UTP20: variants seen among roughly 807,000 people sequenced by gnomAD.
The protein encoded by UTP20 is UTP20 small subunit processome component.
Under a neutral mutation model 329.5 loss-of-function variants are expected in UTP20, and 164 were observed. The ratio of observed to expected loss-of-function variants is 0.50; its 90% CI spans 0.44 to 0.57. The LOEUF is 0.57. UTP20 is among the 20% of genes least tolerant of loss of function. The probability of loss-of-function intolerance (pLI) is 0.00; values close to 1 mark genes in which losing one functional copy is unlikely to be tolerated. For missense variants in UTP20, 3,055 were observed against 3,284.2 expected (o/e 0.93, Z 1.71); for synonymous variants, 1,151 against 1,159.3 (o/e 0.99, Z 0.14).
chr12:101,316,300 G>A (rs1026462295), intron 21 of UTP20, among the ~76,000 whole-genome samples: 1 of 152,208 alleles, frequency 6.6e-6, no homozygotes, highest in Non-Finnish European at 1.5e-5. Flanking sequence ...CACTCTTATG[G>A]ATGCTTTGTG....
chr12:101,382,018 C>CA (rs756789889), intron 58 of UTP20, among the ~76,000 whole-genome samples: 7,641 of 107,270 alleles, frequency 0.071, 431 homozygotes, highest in Middle Eastern at 0.13. Context: ...GACTCTGTAT[C>CA]AAAAAAAAAA....
intron 43 of UTP20, among the ~76,000 whole-genome samples, 186 bp from the exon 44 acceptor site, chr12:101,361,776 T>G (rs1045984638): frequency 3.3e-5 from 5 of 152,206 alleles, no homozygotes; most frequent in Non-Finnish European, 7.3e-5. Flanking sequence ...ACACCTTTGG[T>G]ACAAAGTGAT....
intron 20 of UTP20, 111 bp from the exon 21 acceptor site, chr12:101,311,925 G>C: frequency 6.4e-7 from 1 of 1,560,704 alleles, no homozygotes. Context: ...TAACTTTTGG[G>C]AGTGACATTC....
In UTP20 at chr12:101,289,934, C is replaced by T. The variant is rs34501296; in HGVS notation, c.598-203C>T. ...TTGTAGTACATATCTTCCTGTAATA[C>T]CAATGAATTCACTCTTTTGTGTGAC... On this transcript the variant is annotated intron_variant, in intron 6 of 61. Transcript: ENST00000261637. 2,334 of 327,660 alleles carry T rather than the reference C, an allele frequency of 7.1e-3. 21 individuals are homozygous for T. The highest frequency in any genetic ancestry group is 0.01 in the Middle Eastern group (12 of 1,160). 20.3% of individuals were successfully genotyped at this position (327,660 alleles called of 1,614,324 possible). A position where few individuals can be genotyped will look rare whatever the true frequency, so the allele number is the denominator to read the frequency against.
chr12:101,313,684 A>G (rs548282360), intron 21 of UTP20, among the ~76,000 whole-genome samples: 2 of 151,624 alleles, frequency 1.3e-5, no homozygotes, highest in Non-Finnish European at 2.9e-5. Context: ...AGCCTGTGAG[A>G]TTTGCCAGCA....
chr12:101,280,462 G>A, intron 1 of UTP20, 135 bp downstream of exon 1: 1 of 1,074,332 alleles, frequency 9.3e-7, no homozygotes, highest in Non-Finnish European at 1.4e-6. Context: ...GGCGAAAGAG[G>A]GAGACACTGG....
At chr12:101,330,480 T>C (rs1024832252) in intron 27 of UTP20, among the ~76,000 whole-genome samples, 1 of 152,124 alleles carries the variant, frequency 6.6e-6, no homozygotes, top group African/African-American at 2.4e-5. Context: ...TCGAAGCAGG[T>C]GAGTAATAAG....
At chr12:101,312,600 C>G (rs527832749) in intron 21 of UTP20, among the ~76,000 whole-genome samples, 24 of 152,288 alleles carry the variant, frequency 1.6e-4, no homozygotes, top group African/African-American at 5.8e-4. Context: ...GCCATCACGC[C>G]TGGCTAATTT....
At chr12:101,365,400 T>G in intron 45 of UTP20, 59 bp from the exon 46 acceptor site, 1 of 1,332,890 alleles carries the variant, frequency 7.5e-7, no homozygotes, top group Non-Finnish European at 1.0e-6. Context: ...ACTGCCATTA[T>G]GACAAATCAA....
intron 41 of UTP20, among the ~76,000 whole-genome samples, chr12:101,355,332 A>G (rs1330901089): frequency 6.6e-6 from 1 of 152,148 alleles, no homozygotes; most frequent in Non-Finnish European, 1.5e-5. Context: ...TATGATTTTG[A>G]TAGGGTAGAT....
chr12:101,311,752 T>G lies in UTP20; in HGVS notation c.2265T>G (p.Phe755Leu). 6.2e-7 allele frequency: 1 copy of G among 1,613,566 alleles called. No individual in the cohort carries two copies. The highest frequency in any genetic ancestry group is 1.1e-5 in the South Asian group (1 of 90,822). The change falls in exon 20 of 62, where the codon TTT (phenylalanine) becomes TTG (leucine). Residue 755 changes from phenylalanine (F) to leucine (L), a missense_variant. Transcript: ENST00000261637. ...SHAHEMENKQ[F>L]WKVYYEHLEK... ...CACACGAAATGGAAAATAAGCAATTTTGGAAAGTCTACTATGAGCATCTAG... is the reference window on the plus strand; with the variant it reads ...CACACGAAATGGAAAATAAGCAATTGTGGAAAGTCTACTATGAGCATCTAG...
chr12:101,358,811 A>C (rs1458523059), intron 43 of UTP20, among the ~76,000 whole-genome samples: 4 of 152,198 alleles, frequency 2.6e-5, no homozygotes, highest in Non-Finnish European at 5.9e-5. Context: ...ACCCATAAAC[A>C]TAGAAACCCA....
chr12:101,359,927 C>T lies in UTP20; in HGVS notation c.5692-2035C>T, dbSNP rs185546796. ...CAGAGTTGTAGCTCCTGCCCTTCCCCGTTTCAAGGCCACTGCCACCACCAC... is the reference window on the plus strand; with the variant it reads ...CAGAGTTGTAGCTCCTGCCCTTCCCTGTTTCAAGGCCACTGCCACCACCAC... On this transcript the variant is annotated intron_variant, in intron 43 of 61. Coordinates refer to ENST00000261637, the MANE Select transcript of UTP20 (RefSeq NM_014503.3). 4.4e-3 allele frequency among the ~76,000 whole-genome samples: 663 copies of T among 152,218 alleles called. 2 individuals carry two copies. Among genetic ancestry groups the T allele is most frequent in the Middle Eastern group, 0.01 (3 of 294 alleles).
Position 101,327,178 on chromosome 12 carries a change from G to A in UTP20, c.3139G>A (p.Gly1047Arg), listed in dbSNP as rs776025445. ...RMAIVLRFLA[G>R]TQPEEIQIFL... ...GGCCATTGTCCTGCGGTTCCTGGCC[G>A]GGACCCAACCTGAGGAGATCCAGAT... The change falls in exon 26 of 62, where the codon GGG becomes AGG. Residue 1047 changes from glycine to arginine, a missense_variant. By Grantham distance (125) the Gly-to-Arg change is moderately radical. Coordinates refer to ENST00000261637, the MANE Select transcript of UTP20 (RefSeq NM_014503.3). The A allele has an allele frequency of 1.5e-5, 25 of 1,612,928 alleles. No individual in the cohort carries two copies. The highest frequency in any genetic ancestry group is 1.6e-4 in the Middle Eastern group (1 of 6,082).
intron 13 of UTP20, 51 bp downstream of exon 13, chr12:101,299,888 AAT>A (rs1872470995): frequency 6.2e-7 from 1 of 1,603,718 alleles, no homozygotes; most frequent in African/African-American, 1.3e-5. Context: ...TGCTGATTAA[AAT>A]ATGTTAGCCA....
At chr12:101,359,156 C>T (rs1415219185) in intron 43 of UTP20, among the ~76,000 whole-genome samples, 1 of 152,226 alleles carries the variant, frequency 6.6e-6, no homozygotes, top group East Asian at 1.9e-4. Flanking sequence ...CTCCACTTCT[C>T]GGGTTCAAGC....
chr12:101,383,672 A>G lies in UTP20; in HGVS notation c.8056+3A>G. On this transcript the variant is annotated splice_donor_region_variant and intron_variant, in intron 60 of 61. Transcript: ENST00000261637. The stretch of plus-strand genomic sequence containing the variant: ...CAACAGCACCTATTCAGAGCAAGGT[A>G]ACCCTGCCTCGTCTGTTCTCCTGCC... 6.3e-7 allele frequency: 1 copy of G among 1,590,854 alleles called. No homozygotes were observed. The highest frequency in any genetic ancestry group is 8.6e-7 in the Non-Finnish European group (1 of 1,166,692).
At position 101,310,595 on chromosome 12, in the gene UTP20, A is replaced by AAAAAAAAAAAAAAAAAAAAAAAAAAAAAG. The variant is rs1330692306; in HGVS notation, c.2231+759_2231+760insAAAAAAAAAAAAAAAAAAAAAAAAAGAAA. Among the ~76,000 whole-genome samples the AAAAAAAAAAAAAAAAAAAAAAAAAAAAAG allele has an allele frequency of 1.3e-3, 160 of 121,674 alleles. 14 individuals are homozygous for AAAAAAAAAAAAAAAAAAAAAAAAAAAAAG. Among genetic ancestry groups the AAAAAAAAAAAAAAAAAAAAAAAAAAAAAG allele is most frequent in the Non-Finnish European group, 2.6e-3 (128 of 49,742 alleles). The allele number at this position is 121,674 out of a possible 152,430, so 79.8% of individuals were successfully genotyped here. A position where few individuals can be genotyped will look rare whatever the true frequency, so the allele number is the denominator to read the frequency against. On this transcript the variant is annotated intron_variant, in intron 19 of 61. Transcript: ENST00000261637. ...TGTCTCCCAAAAAAAAAAAAAAAAA[A>AAAAAAAAAAAAAAAAAAAAAAAAAAAAAG]AAATACATGTTATGGCTCATGTGTA...
At chr12:101,339,495 T>G (rs1287958992) in intron 31 of UTP20, among the ~76,000 whole-genome samples, 1 of 152,216 alleles carries the variant, frequency 6.6e-6, no homozygotes, top group Non-Finnish European at 1.5e-5. Flanking sequence ...AGCATCTGCC[T>G]TTATTTAATA....
Sources: gnomAD v4.1 joint callset for allele counts (sites outside exome capture counted in the v4.1 genomes callset) on GRCh38, gnomAD v4.1.1 for gene constraint, MANE v1.5 for transcripts, NCBI Gene and HGNC (gene_info 2026-07-23, HGNC 2026-07-21) for gene names.